Variants in KCNIP4 observed in about 807,000 individuals in gnomAD.
KCNIP4 encodes the protein potassium voltage-gated channel interacting protein 4.
In KCNIP4, 12 loss-of-function variants were observed where a neutral mutation model predicts 34.0. That is an observed-to-expected ratio of 0.35 (90% CI 0.23 to 0.57). The LOEUF is 0.57. Among genes scored for constraint, KCNIP4 ranks in the 20% least tolerant of loss-of-function variants. KCNIP4 has a pLI of 0.83. For synonymous variants in KCNIP4, 124 were observed against 102.2 expected (o/e 1.21, Z -1.29); for missense variants, 238 against 311.7 (o/e 0.76, Z 1.78).
intron 1 of KCNIP4, among the ~76,000 whole-genome samples, chr4:21,070,399 T>TA (rs140658411): frequency 0.23 from 35,212 of 151,716 alleles, 4,128 homozygotes; most frequent in Middle Eastern, 0.31. Context: ...TTTTTTTTTT[T>TA]AAAGTGTCCA....
intron 1 of KCNIP4, among the ~76,000 whole-genome samples, chr4:21,673,788 T>G (rs971551287): frequency 6.6e-6 from 1 of 152,176 alleles, no homozygotes; most frequent in African/African-American, 2.4e-5. Context: ...TTTAAGCAAT[T>G]TTTTTAAAAA....
chr4:20,929,633 A>G (rs1329534965), intron 1 of KCNIP4, among the ~76,000 whole-genome samples: 1 of 152,086 alleles, frequency 6.6e-6, no homozygotes, highest in South Asian at 2.1e-4. Context: ...CCTTATGTAG[A>G]AAACCCTAAA....
At chr4:20,731,070 G>A (rs907280115) in intron 8 of KCNIP4, among the ~76,000 whole-genome samples, 1 of 152,090 alleles carries the variant, frequency 6.6e-6, no homozygotes, top group African/African-American at 2.4e-5. Flanking sequence ...AGGATTATTT[G>A]AAAAATTCTT....
intron 1 of KCNIP4, among the ~76,000 whole-genome samples, chr4:21,530,194 G>A (rs888978249): frequency 9.9e-5 from 15 of 152,106 alleles, no homozygotes; most frequent in South Asian, 4.1e-4. Flanking sequence ...TGAATATTCC[G>A]GATCAAATGT....
intron 1 of KCNIP4, among the ~76,000 whole-genome samples, chr4:21,272,315 C>T (rs550296702): frequency 1.1e-3 from 171 of 152,174 alleles, no homozygotes; most frequent in African/African-American, 3.8e-3. Flanking sequence ...TTAGAGTTGG[C>T]TATTATTATT....
At chr4:21,108,517 T>G (rs183247713) in intron 1 of KCNIP4, among the ~76,000 whole-genome samples, 1 of 151,582 alleles carries the variant, frequency 6.6e-6, no homozygotes, top group African/African-American at 2.4e-5. Flanking sequence ...TTTTCAAAGT[T>G]TTTAACTTCT....
At chr4:21,117,905 A>T (rs536783713) in intron 1 of KCNIP4, among the ~76,000 whole-genome samples, 1 of 152,308 alleles carries the variant, frequency 6.6e-6, no homozygotes, top group South Asian at 2.1e-4. Flanking sequence ...CAGTCAAACC[A>T]AAGATACAGA....
chr4:20,887,460 G>T (rs370016043), intron 1 of KCNIP4, among the ~76,000 whole-genome samples: 29 of 151,658 alleles, frequency 1.9e-4, no homozygotes, highest in East Asian at 5.8e-4. Context: ...TAGGCAAAAT[G>T]CTGAAAATCA....
chr4:21,002,599 G>A (rs1422591806), intron 1 of KCNIP4, among the ~76,000 whole-genome samples: 2 of 152,206 alleles, frequency 1.3e-5, no homozygotes, highest in African/African-American at 4.8e-5. Context: ...TGTTCGAAGT[G>A]TGGCATCAGC....
At chr4:21,382,779 T>A (rs1025741588) in intron 1 of KCNIP4, among the ~76,000 whole-genome samples, 10 of 152,098 alleles carry the variant, frequency 6.6e-5, no homozygotes, top group Non-Finnish European at 1.3e-4. Context: ...ATAAATGAAG[T>A]ATTACCACAC....
chr4:21,064,035 T>G (rs1370107273), intron 1 of KCNIP4, among the ~76,000 whole-genome samples: 4 of 152,136 alleles, frequency 2.6e-5, no homozygotes, highest in Non-Finnish European at 4.4e-5. Context: ...TTGAAAATAA[T>G]TAATTCTTAA....
intron 1 of KCNIP4, among the ~76,000 whole-genome samples, chr4:21,384,708 G>A (rs1194887173): frequency 3.3e-5 from 5 of 152,174 alleles, no homozygotes; most frequent in Admixed American, 6.5e-5. Flanking sequence ...AACTGGTATT[G>A]TCATTTGATT....
intron 1 of KCNIP4, among the ~76,000 whole-genome samples, chr4:21,424,109 A>C (rs530901349): frequency 6.6e-6 from 1 of 150,536 alleles, no homozygotes; most frequent in Admixed American, 6.6e-5. Context: ...GTGAGCCACC[A>C]TGCCAGGCCG....
At chr4:21,319,737 T>C (rs1235468268) in intron 1 of KCNIP4, among the ~76,000 whole-genome samples, 1 of 152,088 alleles carries the variant, frequency 6.6e-6, no homozygotes, top group African/African-American at 2.4e-5. Context: ...CAAACAGACA[T>C]CAGTCAAAAA....
intron 1 of KCNIP4, among the ~76,000 whole-genome samples, chr4:21,152,890 C>A (rs1293774050): frequency 6.6e-6 from 1 of 152,154 alleles, no homozygotes; most frequent in Non-Finnish European, 1.5e-5. Context: ...CCTCTCGAAA[C>A]AATCCCCACC....
chr4:21,023,005 T>C (rs948753995), intron 1 of KCNIP4, among the ~76,000 whole-genome samples: 12 of 152,076 alleles, frequency 7.9e-5, no homozygotes, highest in African/African-American at 2.7e-4. Flanking sequence ...GTATTTTTAG[T>C]AGAGACAGGG....
intron 1 of KCNIP4, among the ~76,000 whole-genome samples, chr4:21,030,767 A>G (rs999875440): frequency 6.6e-6 from 1 of 152,204 alleles, no homozygotes; most frequent in Non-Finnish European, 1.5e-5. Context: ...TGAAGTGTAT[A>G]GTTCATAATC....
intron 1 of KCNIP4, among the ~76,000 whole-genome samples, chr4:21,679,749 A>G (rs535348895): frequency 4.6e-5 from 7 of 152,242 alleles, no homozygotes; most frequent in Non-Finnish European, 1.0e-4. Context: ...TGAGTCATAC[A>G]AATTTCTTGG....
intron 2 of KCNIP4, among the ~76,000 whole-genome samples, chr4:20,867,124 TAAG>T (rs1442388441): frequency 1.3e-5 from 2 of 152,062 alleles, no homozygotes; most frequent in African/African-American, 4.8e-5. Flanking sequence ...GTCAAACTAC[TAAG>T]AACATTCTTC....
Sources: allele counts gnomAD v4.1 joint callset (sites outside exome capture counted in the v4.1 genomes callset), GRCh38; gene constraint gnomAD v4.1.1; transcripts MANE v1.5; gene names NCBI Gene and HGNC (gene_info 2026-07-23, HGNC 2026-07-21).